The following NRXN1 variants were observed in gnomAD, a reference collection of about 807,000 sequenced individuals.
The protein encoded by NRXN1 is neurexin-1.
A neutral mutation model predicts 150.9 loss-of-function variants in NRXN1; 39 were observed. The ratio of observed to expected loss-of-function variants is 0.26; its 90% CI spans 0.20 to 0.34. The LOEUF is 0.34. NRXN1 is among the 10% of genes least tolerant of loss of function. NRXN1 has a pLI of 1.00. For synonymous variants in NRXN1, 924 were observed against 757.0 expected (o/e 1.22, Z -3.62); for missense variants, 1,815 against 1,949.9 (o/e 0.93, Z 1.30).
intron 17 of NRXN1, among the ~76,000 whole-genome samples, chr2:50,385,587 T>C (rs1448581105): frequency 2.0e-5 from 3 of 152,210 alleles, no homozygotes; most frequent in East Asian, 3.9e-4. Context: ...TTTTCGTATT[T>C]CTTTTCCTGA....
At chr2:50,383,067 T>C (rs1451638646) in intron 17 of NRXN1, among the ~76,000 whole-genome samples, 1 of 152,166 alleles carries the variant, frequency 6.6e-6, no homozygotes, top group Non-Finnish European at 1.5e-5. Flanking sequence ...TAAATAATAT[T>C]AATTTTCCTT....
chr2:50,917,922 A>G (rs1685449220), intron 5 of NRXN1: 2 of 151,746 alleles, frequency 1.3e-5, no homozygotes, highest in African/African-American at 4.8e-5. Flanking sequence ...CAAATCTATT[A>G]TAAGAGTAAG....
At chr2:50,001,496 G>C (rs374793387) in intron 21 of NRXN1, among the ~76,000 whole-genome samples, 2 of 152,086 alleles carry the variant, frequency 1.3e-5, no homozygotes, top group Non-Finnish European at 2.9e-5. Context: ...GTGAGCCACA[G>C]AATGTGTTAA....
intron 17 of NRXN1, among the ~76,000 whole-genome samples, chr2:50,418,214 C>G (rs996422633): frequency 5.9e-5 from 9 of 151,858 alleles, no homozygotes. Flanking sequence ...GAGCACGTGC[C>G]TCTTCTTATA....
chr2:50,196,039 C>T (rs1229378071), intron 18 of NRXN1, among the ~76,000 whole-genome samples: 1 of 151,848 alleles, frequency 6.6e-6, no homozygotes, highest in Non-Finnish European at 1.5e-5. Flanking sequence ...AAACGTGTGC[C>T]ATGGTGATTT....
intron 17 of NRXN1, among the ~76,000 whole-genome samples, chr2:50,449,012 A>G (rs1226524955): frequency 2.6e-5 from 4 of 152,218 alleles, no homozygotes; most frequent in Non-Finnish European, 5.9e-5. Flanking sequence ...CCCAGAACGA[A>G]GCAGAGTTTG....
At chr2:50,900,701 T>C (rs574186838) in intron 5 of NRXN1, among the ~76,000 whole-genome samples, 2 of 152,182 alleles carry the variant, frequency 1.3e-5, no homozygotes, top group Non-Finnish European at 2.9e-5. Context: ...TGACAGGTAA[T>C]AAGGGAACAT....
intron 5 of NRXN1, among the ~76,000 whole-genome samples, chr2:50,838,918 G>A (rs529088400): frequency 5.9e-5 from 9 of 152,022 alleles, no homozygotes; most frequent in Non-Finnish European, 1.2e-4. Context: ...ACATTCCAGA[G>A]CTTACAGTCC....
intron 5 of NRXN1, among the ~76,000 whole-genome samples, chr2:50,754,071 C>T (rs1176047531): frequency 1.3e-5 from 2 of 150,630 alleles, no homozygotes; most frequent in African/African-American, 4.9e-5. Context: ...AACTAATATA[C>T]CATAAAAGGA....
chr2:50,768,527 G>A (rs186149645), intron 5 of NRXN1, among the ~76,000 whole-genome samples: 1 of 151,286 alleles, frequency 6.6e-6, no homozygotes, highest in Non-Finnish European at 1.5e-5. Flanking sequence ...GGCTGGTCCT[G>A]AACTCCTGAG....
intron 18 of NRXN1, among the ~76,000 whole-genome samples, chr2:50,143,283 T>C (rs991613136): frequency 2.6e-5 from 4 of 151,930 alleles, no homozygotes; most frequent in East Asian, 3.9e-4. Context: ...AAAAGAAACA[T>C]TGACCAATTA....
intron 17 of NRXN1, among the ~76,000 whole-genome samples, chr2:50,368,199 A>T (rs965894802): frequency 1.3e-5 from 2 of 151,950 alleles, no homozygotes; most frequent in South Asian, 4.1e-4. Context: ...ATTCCAGAGG[A>T]CCCATACAGG....
chr2:50,461,075 G>A (rs2088154137), intron 17 of NRXN1, among the ~76,000 whole-genome samples: 1 of 151,990 alleles, frequency 6.6e-6, no homozygotes. Context: ...CTCAGACACT[G>A]GATATTGGAT....
chr2:50,311,695 T>C (rs1458110501), intron 17 of NRXN1, among the ~76,000 whole-genome samples: 4 of 152,122 alleles, frequency 2.6e-5, no homozygotes, highest in South Asian at 2.1e-4. Flanking sequence ...TAATAGTCAA[T>C]AAAGAATCAC....
chr2:50,066,401 T>C (rs1695370055), intron 19 of NRXN1, among the ~76,000 whole-genome samples: 1 of 152,170 alleles, frequency 6.6e-6, no homozygotes, highest in Non-Finnish European at 1.5e-5. Context: ...ATGTGAAGTG[T>C]AGTTGCCATA....
intron 17 of NRXN1, among the ~76,000 whole-genome samples, chr2:50,242,122 T>C (rs2066055016): frequency 6.6e-6 from 1 of 151,830 alleles, no homozygotes; most frequent in Non-Finnish European, 1.5e-5. Flanking sequence ...AACAGGAATA[T>C]AACACTTCCT....
At chr2:50,441,232 C>T (rs967723169) in intron 17 of NRXN1, among the ~76,000 whole-genome samples, 6 of 152,096 alleles carry the variant, frequency 3.9e-5, no homozygotes, top group Non-Finnish European at 7.4e-5. Flanking sequence ...AGCCACTTGT[C>T]TTAGGGGTCC....
chr2:50,242,702 A>C (rs1269774612), intron 17 of NRXN1, among the ~76,000 whole-genome samples: 1 of 151,790 alleles, frequency 6.6e-6, no homozygotes, highest in African/African-American at 2.4e-5. Context: ...TAAGGGTGCA[A>C]AGACAAAGAT....
intron 18 of NRXN1, among the ~76,000 whole-genome samples, chr2:50,166,089 T>C (rs746319860): frequency 1.3e-5 from 2 of 152,064 alleles, no homozygotes; most frequent in Non-Finnish European, 2.9e-5. Flanking sequence ...TCCAAAATGC[T>C]CCATAATCTG....
Sources: allele counts gnomAD v4.1 joint callset (sites outside exome capture counted in the v4.1 genomes callset), GRCh38; gene constraint gnomAD v4.1.1; transcripts MANE v1.5; gene names NCBI Gene and HGNC (gene_info 2026-07-23, HGNC 2026-07-21).